SCYL2: variants seen among roughly 807,000 people sequenced by gnomAD.
The protein encoded by SCYL2 is SCY1-like protein 2.
In SCYL2, 36 loss-of-function variants were observed where a neutral mutation model predicts 100.4. The ratio of observed to expected loss-of-function variants is 0.36; its 90% CI spans 0.27 to 0.47. SCYL2 has a LOEUF of 0.47. Ranked by LOEUF, SCYL2 falls within the 20% of genes least tolerant of loss-of-function variation. The pLI is 1.00. For synonymous variants in SCYL2, 330 were observed against 359.2 expected (o/e 0.92, Z 0.92); for missense variants, 902 against 1,083.9 (o/e 0.83, Z 2.36).
rs780242884 is a variant in SCYL2, at chr12:100,339,181, A to G, written c.*9A>G. 2 of 1,605,164 alleles carry G rather than the reference A, an allele frequency of 1.2e-6. No homozygotes were observed. Among genetic ancestry groups the G allele is most frequent in the Admixed American group, 3.4e-5 (2 of 58,994 alleles). On this transcript the variant is annotated 3_prime_UTR_variant, in exon 18 of 18. Coordinates refer to ENST00000360820, the MANE Select transcript of SCYL2 (RefSeq NM_017988.6). ...AAGATCTTTTTGGGTGAGGTGTCTTACTTCTATTTTGAAGGATTATTTCAG... is the reference window on the plus strand; with the variant it reads ...AAGATCTTTTTGGGTGAGGTGTCTTGCTTCTATTTTGAAGGATTATTTCAG...
At chr12:100,331,946 G>T (rs1952214469) in intron 13 of SCYL2, among the ~76,000 whole-genome samples, 1 of 152,166 alleles carries the variant, frequency 6.6e-6, no homozygotes, top group African/African-American at 2.4e-5. Flanking sequence ...TTGTGTTTGA[G>T]GGGGGTTTCT....
chr12:100,313,952 C>G (rs1272837952), intron 7 of SCYL2, among the ~76,000 whole-genome samples: 1 of 150,754 alleles, frequency 6.6e-6, no homozygotes, highest in African/African-American at 2.4e-5. Flanking sequence ...ACGATCTCCA[C>G]TCAATGCAAC....
At chr12:100,313,915 C>G (rs2096345355) in intron 7 of SCYL2, among the ~76,000 whole-genome samples, 1 of 144,376 alleles carries the variant, frequency 6.9e-6, no homozygotes, top group Non-Finnish European at 1.5e-5. Flanking sequence ...GAGTTTCACT[C>G]TGTCACCCAG....
intron 1 of SCYL2, among the ~76,000 whole-genome samples, chr12:100,278,597 G>A (rs116423270): frequency 0.016 from 2,375 of 150,612 alleles, 64 homozygotes; most frequent in African/African-American, 0.055. Flanking sequence ...TTGTTCTTTG[G>A]CATGTGTTGT....
intron 1 of SCYL2, among the ~76,000 whole-genome samples, chr12:100,276,805 A>G (rs2096292985): frequency 6.6e-6 from 1 of 151,404 alleles, no homozygotes; most frequent in Non-Finnish European, 1.5e-5. Context: ...ACTTATTTTA[A>G]TTTTCTCTTT....
intron 3 of SCYL2, 87 bp from the exon 4 acceptor site, chr12:100,297,944 T>C (rs1309692480): frequency 9.7e-7 from 1 of 1,029,950 alleles, no homozygotes; most frequent in Non-Finnish European, 1.4e-6. Context: ...ATTGATAGTT[T>C]AATAGGAGCA....
chr12:100,274,352 T>A (rs2096290494), intron 1 of SCYL2, among the ~76,000 whole-genome samples: 1 of 152,200 alleles, frequency 6.6e-6, no homozygotes, highest in African/African-American at 2.4e-5. Context: ...AAGATCTAAT[T>A]TCTAAATTGT....
chr12:100,334,349 A>G, intron 14 of SCYL2, 83 bp downstream of exon 14: 1 of 828,032 alleles, frequency 1.2e-6, no homozygotes, highest in South Asian at 1.4e-5. Context: ...AATATGGAAT[A>G]GAAAACTTGC....
Position 100,312,494 on chromosome 12 carries a change from A to C in SCYL2, c.693A>C (p.Glu231Asp). 28 of 1,613,856 alleles carry C rather than the reference A, an allele frequency of 1.7e-5. No individual in the cohort carries two copies. The highest frequency in any genetic ancestry group is 2.4e-5 in the Non-Finnish European group (28 of 1,179,926). The change falls in exon 6 of 18, where the codon GAA (glutamate) becomes GAC (aspartate). Residue 231 changes from glutamate (E) to aspartate (D), a missense_variant. Transcript: ENST00000360820. ...NLPSLCLPNP[E>D]YLAPEYILSV... ...CTTCATTGTGTCTTCCAAATCCTGAATATTTGGCTCCTGAATACATACTTT... is the reference window on the plus strand; with the variant it reads ...CTTCATTGTGTCTTCCAAATCCTGACTATTTGGCTCCTGAATACATACTTT...
At chr12:100,337,279 G>T in intron 16 of SCYL2, 108 bp from the exon 17 acceptor site, 6 of 1,368,830 alleles carry the variant, frequency 4.4e-6, no homozygotes, top group Non-Finnish European at 5.0e-6. Context: ...AGAGTAGTTT[G>T]CTTTTCAGTG....
intron 3 of SCYL2, among the ~76,000 whole-genome samples, chr12:100,295,770 CGGGAGAGGGAGA>C (rs371313111): frequency 4.5e-4 from 66 of 147,820 alleles, no homozygotes; most frequent in African/African-American, 1.3e-3. Flanking sequence ...CGTGGGGAGA[CGGGAGAGGGAGA>C]GGGAGAGGGA....
intron 1 of SCYL2, among the ~76,000 whole-genome samples, chr12:100,270,615 G>A (rs1320010911): frequency 7.0e-6 from 1 of 143,554 alleles, no homozygotes; most frequent in East Asian, 2.0e-4. Context: ...GAAATTTCAT[G>A]TTGCTTTCTT....
At position 100,340,433 on chromosome 12, in the gene SCYL2, C is replaced by T. The variant is rs562353761; in HGVS notation, c.*1261C>T. 1 of 152,172 alleles carries T rather than the reference C, an allele frequency of 6.6e-6. No homozygotes were observed. Among genetic ancestry groups the T allele is most frequent in the Non-Finnish European group, 1.5e-5 (1 of 67,940 alleles). The allele number at this position is 152,172 out of a possible 1,614,324, so 9.4% of individuals were successfully genotyped here. A position where few individuals can be genotyped will look rare whatever the true frequency, so the allele number is the denominator to read the frequency against. ...TTGTATTTTAAAAAATAATATTCCA[C>T]TCATAAAACTTTAAAACCATCTTTC... On this transcript the variant is annotated 3_prime_UTR_variant, in exon 18 of 18. Transcript: ENST00000360820.
intron 2 of SCYL2, among the ~76,000 whole-genome samples, chr12:100,290,387 CTT>C (rs2096309184): frequency 6.6e-6 from 1 of 152,156 alleles, no homozygotes; most frequent in Non-Finnish European, 1.5e-5. Flanking sequence ...TTTTCAGAGA[CTT>C]ACTCCTCTAA....
rs2096343287 is a variant in SCYL2 at position 100,312,447 on chromosome 12, A to G, written c.646A>G (p.Lys216Glu). 6.2e-7 allele frequency: 1 copy of G among 1,612,092 alleles called. No individual in the cohort carries two copies. Among genetic ancestry groups the G allele is most frequent in the Non-Finnish European group, 8.5e-7 (1 of 1,179,440 alleles). Reference protein sequence around the residue: ...PSEQEPKFPCKEWDPNLPSLC... With the variant: ...PSEQEPKFPCEEWDPNLPSLC... ...CTTACTACAGCCTAAATTTCCTTGTAAAGAATGGGACCCAAATTTACCTTC... is the reference window on the plus strand; with the variant it reads ...CTTACTACAGCCTAAATTTCCTTGTGAAGAATGGGACCCAAATTTACCTTC... The change falls in exon 6 of 18, where the codon AAA becomes GAA. Residue 216 changes from lysine to glutamate, a missense_variant. By Grantham distance (56) the Lys-to-Glu change is moderately conservative. Coordinates refer to ENST00000360820, the MANE Select transcript of SCYL2 (RefSeq NM_017988.6).
rs993792044 is a variant in SCYL2, at chr12:100,315,413, T to G, written c.1096-145T>G. On this transcript the variant is annotated intron_variant, in intron 8 of 17. Transcript: ENST00000360820. ...CATAATTAGCAATAGCATCCCACTT[T>G]ACTCTGAAAATATACCAGTTTCAAC... 47 of 608,592 alleles carry G rather than the reference T, an allele frequency of 7.7e-5. No homozygotes were observed. In the African/African-American group the frequency reaches 8.7e-4, roughly 11 times the overall value. The allele number at this position is 608,592 out of a possible 1,614,324, so 37.7% of individuals were successfully genotyped here.
intron 13 of SCYL2, among the ~76,000 whole-genome samples, chr12:100,332,296 G>A (rs11110342): frequency 0.27 from 41,142 of 152,024 alleles, 6,096 homozygotes; most frequent in African/African-American, 0.37. Context: ...CCAGAAGGAA[G>A]GCAGGTGTAC....
chr12:100,306,675 G>C (rs191833993), intron 4 of SCYL2, among the ~76,000 whole-genome samples: 1 of 152,092 alleles, frequency 6.6e-6, no homozygotes, highest in Non-Finnish European at 1.5e-5. Context: ...TGAAATAAAG[G>C]GTATTCAGAT....
chr12:100,315,762 ATCTACTGTTATTTATGAT>A (rs146132921), intron 9 of SCYL2, 28 bp downstream of exon 9: 87,898 of 1,533,984 alleles, frequency 0.057, 2,899 homozygotes, highest in Non-Finnish European at 0.068. Context: ...TTGTGTATTT[ATCTACTGTTATTTATGAT>A]TGTGACTATC....
Sources: gnomAD v4.1 joint callset for allele counts (sites outside exome capture counted in the v4.1 genomes callset) on GRCh38, gnomAD v4.1.1 for gene constraint, MANE v1.5 for transcripts, NCBI Gene and HGNC (gene_info 2026-07-23, HGNC 2026-07-21) for gene names.